CDH13: variants seen among roughly 807,000 people sequenced by gnomAD.
CDH13 encodes the protein cadherin 13, also known as cadherin-13.
CDH13 carries 24 observed loss-of-function variants against 63.8 expected under a neutral mutation model. The observed-to-expected ratio is 0.38, with a 90% CI of 0.27 to 0.53. The LOEUF (loss-of-function observed/expected upper bound fraction) is 0.53. CDH13 is among the 20% of genes least tolerant of loss of function. The pLI is 0.85. For missense variants in CDH13, 1,049 were observed against 903.1 expected, an observed-to-expected ratio of 1.16 and a Z score of -2.07; for synonymous variants, 503 against 355.3, an observed-to-expected ratio of 1.42 and a Z score of -4.67.
At chr16:83,416,594 C>A (rs539860201) in intron 6 of CDH13, among the ~76,000 whole-genome samples, 1 of 152,292 alleles carries the variant, frequency 6.6e-6, no homozygotes, top group Admixed American at 6.5e-5. Flanking sequence ...ATACTGATGC[C>A]TCCCAGAAGT....
intron 2 of CDH13, among the ~76,000 whole-genome samples, chr16:83,026,371 G>T (rs1257098462): frequency 6.6e-6 from 1 of 152,294 alleles, no homozygotes; most frequent in East Asian, 1.9e-4. Context: ...GAGCTAGTCA[G>T]TCAATCTCTC....
chr16:83,485,052 A>G (rs1236539549), intron 6 of CDH13, among the ~76,000 whole-genome samples: 2 of 152,168 alleles, frequency 1.3e-5, no homozygotes, highest in African/African-American at 2.4e-5. Flanking sequence ...TAATTAATAT[A>G]TCTTGAAGAG....
At chr16:83,444,516 G>T (rs923948153) in intron 6 of CDH13, among the ~76,000 whole-genome samples, 6 of 152,088 alleles carry the variant, frequency 3.9e-5, no homozygotes, top group Non-Finnish European at 5.9e-5. Flanking sequence ...GTGCTCAAGG[G>T]CACCCACCTG....
intron 6 of CDH13, among the ~76,000 whole-genome samples, chr16:83,361,374 C>G (rs887615086): frequency 1.3e-5 from 2 of 152,120 alleles, no homozygotes; most frequent in African/African-American, 4.8e-5. Flanking sequence ...TTCTCCCATT[C>G]GGTTTGTTGT....
At chr16:83,245,576 A>T (rs892671156) in intron 5 of CDH13, among the ~76,000 whole-genome samples, 5 of 152,226 alleles carry the variant, frequency 3.3e-5, no homozygotes, top group African/African-American at 1.2e-4. Flanking sequence ...TGAAGGGGTC[A>T]TCTGTTAAGT....
In CDH13 at chr16:82,858,632, G is replaced by A. The variant is rs142123046; in HGVS notation, c.157+159G>A. On this transcript the variant is annotated intron_variant, in intron 2 of 13. Transcript: ENST00000567109. ...ACCCAAAGTGGAAATTCTTGAATGA[G>A]GGCCTGGCCAACTTAGAGGTTAATA... The A allele has an allele frequency of 1.1e-3, 749 of 679,764 alleles. 6 individuals carry two copies. Among genetic ancestry groups the A allele is most frequent in the African/African-American group, 0.01 (577 of 56,496 alleles). The allele number at this position is 679,764 out of a possible 1,614,324, so 42.1% of individuals were successfully genotyped here.
chr16:83,031,898 A>G, intron 2 of CDH13, 112 bp from the exon 3 acceptor site: 1 of 816,804 alleles, frequency 1.2e-6, no homozygotes, highest in South Asian at 1.7e-5. Flanking sequence ...AACATTTGTG[A>G]ACTCTGGGTT....
intron 10 of CDH13, among the ~76,000 whole-genome samples, chr16:83,698,273 T>C (rs1905686772): frequency 6.6e-6 from 1 of 152,262 alleles, no homozygotes; most frequent in Admixed American, 6.5e-5. Flanking sequence ...CTGACTTTAA[T>C]ATAAAGAGTG....
At chr16:83,216,441 T>TATAC (rs2039530044) in intron 4 of CDH13, among the ~76,000 whole-genome samples, 1 of 111,224 alleles carries the variant, frequency 9.0e-6, no homozygotes, top group African/African-American at 3.2e-5. Context: ...TATATATATA[T>TATAC]ATACACAACC....
At chr16:83,650,849 G>A (rs373612391) in intron 8 of CDH13, among the ~76,000 whole-genome samples, 2 of 152,150 alleles carry the variant, frequency 1.3e-5, no homozygotes, top group African/African-American at 4.8e-5. Context: ...GAGGCTGGAG[G>A]ATTGCCTAAG....
At chr16:82,731,599 C>T (rs999510330) in intron 1 of CDH13, among the ~76,000 whole-genome samples, 2 of 152,116 alleles carry the variant, frequency 1.3e-5, no homozygotes, top group African/African-American at 4.8e-5. Flanking sequence ...TTCAATCTTG[C>T]TTGTTCATTT....
At position 83,755,851 on chromosome 16, in the gene CDH13, C is replaced by G. The variant is rs574793616; in HGVS notation, c.1681+7601C>G. ...AAATGATGCCAGAGAGGCATAGAAACACAAGAAACATAAATAAAAATAGAA... is the reference window on the plus strand; with the variant it reads ...AAATGATGCCAGAGAGGCATAGAAAGACAAGAAACATAAATAAAAATAGAA... On this transcript the variant is annotated intron_variant, in intron 11 of 13. Transcript: ENST00000567109. 6.7e-5 allele frequency among the ~76,000 whole-genome samples: 10 copies of G among 149,984 alleles called. No homozygotes were observed. In the East Asian group the frequency reaches 1.9e-3, roughly 29 times the overall value.
chr16:82,796,450 C>T (rs2036585981), intron 1 of CDH13, among the ~76,000 whole-genome samples: 1 of 152,208 alleles, frequency 6.6e-6, no homozygotes, highest in Non-Finnish European at 1.5e-5. Context: ...CTGGGCCATG[C>T]ACTCTAGGAG....
At chr16:83,012,855 A>C (rs762275561) in intron 2 of CDH13, among the ~76,000 whole-genome samples, 1 of 152,234 alleles carries the variant, frequency 6.6e-6, no homozygotes, top group African/African-American at 2.4e-5. Flanking sequence ...TTGAGAATTT[A>C]TTTTAAATGG....
At chr16:83,419,198 G>T (rs1215608327) in intron 6 of CDH13, among the ~76,000 whole-genome samples, 1 of 152,070 alleles carries the variant, frequency 6.6e-6, no homozygotes, top group African/African-American at 2.4e-5. Flanking sequence ...CGTGCCCCCT[G>T]CCTCTGTAAC....
At chr16:82,910,346 A>G (rs1455459614) in intron 2 of CDH13, among the ~76,000 whole-genome samples, 1 of 152,222 alleles carries the variant, frequency 6.6e-6, no homozygotes, top group African/African-American at 2.4e-5. Context: ...TTTCTCCAGT[A>G]ATGAATGTCT....
chr16:82,746,062 A>T (rs1457236394), intron 1 of CDH13, among the ~76,000 whole-genome samples: 4 of 152,018 alleles, frequency 2.6e-5, no homozygotes, highest in Non-Finnish European at 4.4e-5. Flanking sequence ...AATTGCCAGC[A>T]TAAGAGGGAA....
intron 7 of CDH13, among the ~76,000 whole-genome samples, chr16:83,491,736 C>T (rs545908060): frequency 6.6e-6 from 1 of 152,180 alleles, no homozygotes; most frequent in South Asian, 2.1e-4. Context: ...CTATTATCTT[C>T]CAGATAATCT....
chr16:83,042,865 G>T (rs1056110631), intron 3 of CDH13, among the ~76,000 whole-genome samples: 1 of 152,178 alleles, frequency 6.6e-6, no homozygotes. Flanking sequence ...CTGCACATTT[G>T]CTGTGACCAT....
Sources: allele counts gnomAD v4.1 joint callset (sites outside exome capture counted in the v4.1 genomes callset), GRCh38; gene constraint gnomAD v4.1.1; transcripts MANE v1.5; gene names NCBI Gene and HGNC (gene_info 2026-07-23, HGNC 2026-07-21).